Variants in TMEM108 observed in about 807,000 individuals in gnomAD.
TMEM108 encodes cancer/testis antigen 124.
Under a neutral mutation model 35.1 loss-of-function variants are expected in TMEM108, and 12 were observed. That is an observed-to-expected ratio of 0.34 (90% CI 0.22 to 0.55). The LOEUF (loss-of-function observed/expected upper bound fraction) is 0.55, where lower values mean the gene tolerates loss of function less well. Ranked by LOEUF, TMEM108 falls within the 20% of genes least tolerant of loss-of-function variation. TMEM108 has a pLI of 0.89. For missense variants in TMEM108, 680 were observed against 753.3 expected (o/e 0.90, Z 1.14); for synonymous variants, 287 against 308.6 (o/e 0.93, Z 0.73).
chr3:133,126,402 G>A (rs1399838456), intron 2 of TMEM108, among the ~76,000 whole-genome samples: 3 of 151,878 alleles, frequency 2.0e-5, no homozygotes, highest in Non-Finnish European at 4.4e-5. Context: ...GGGAGGCAGA[G>A]GTTGCAGTAA....
At chr3:133,356,114 A>G (rs2072158546) in intron 3 of TMEM108, among the ~76,000 whole-genome samples, 1 of 152,158 alleles carries the variant, frequency 6.6e-6, no homozygotes, top group South Asian at 2.1e-4. Flanking sequence ...CTGTAAACAA[A>G]TTCAGCAGAG....
rs143888883 is a variant in TMEM108, at chr3:133,109,149, G to GA, written c.-47+63132dup. On this transcript the variant is annotated intron_variant, in intron 2 of 5. Coordinates refer to ENST00000321871, the MANE Select transcript of TMEM108 (RefSeq NM_023943.4). ...ATAGTAGGTTGGAGAGTCCAGAGGT[G>GA]AAAGTGCTGGTTCTCACTGTGCTCC... Among the ~76,000 whole-genome samples, 654 of 152,204 alleles carry GA rather than the reference G, an allele frequency of 4.3e-3. 11 individuals are homozygous for GA. Among genetic ancestry groups the GA allele is most frequent in the East Asian group, 0.032 (163 of 5,168 alleles).
chr3:133,299,066 T>G (rs1465928555), intron 3 of TMEM108, among the ~76,000 whole-genome samples: 1 of 152,114 alleles, frequency 6.6e-6, no homozygotes, highest in Admixed American at 6.5e-5. Context: ...AGTTTGTTAG[T>G]GCTTGATTCA....
At position 133,149,762 on chromosome 3, in the gene TMEM108, T is replaced by C. The variant is rs76798270; in HGVS notation, c.-46-79504T>C. Among the ~76,000 whole-genome samples the C allele has an allele frequency of 1.9e-3, 284 of 152,238 alleles. 3 individuals carry two copies. The highest frequency in any genetic ancestry group is 6.4e-3 in the African/African-American group (266 of 41,552). On this transcript the variant is annotated intron_variant, in intron 2 of 5. Transcript: ENST00000321871. ...GGAATATATATATGTCTCAGGTACA[T>C]ATACATAAGGGAATACTATTTTTTA...
Position 133,334,477 on chromosome 3 carries a change from G to C in TMEM108, c.41-45275G>C, listed in dbSNP as rs183778900. ...AAAATGTCATTATGGGTGTATGAAA[G>C]TAGCCAGAGCAAGACATGGACATGG... On this transcript the variant is annotated intron_variant, in intron 3 of 5. Coordinates refer to ENST00000321871, the MANE Select transcript of TMEM108 (RefSeq NM_023943.4). 2.3e-3 allele frequency among the ~76,000 whole-genome samples: 343 copies of C among 152,278 alleles called. 2 individuals are homozygous for C. The highest frequency in any genetic ancestry group is 8.0e-3 in the African/African-American group (334 of 41,562).
chr3:133,183,481 AG>A (rs1021198238), intron 2 of TMEM108, among the ~76,000 whole-genome samples: 45 of 152,154 alleles, frequency 3.0e-4, no homozygotes, highest in Non-Finnish European at 1.8e-4. Context: ...TACAGTGTGA[AG>A]AAGTTTGGAG....
At chr3:133,255,720 G>A (rs1946536355) in intron 3 of TMEM108, among the ~76,000 whole-genome samples, 1 of 152,174 alleles carries the variant, frequency 6.6e-6, no homozygotes, top group Admixed American at 6.5e-5. Context: ...TGGGCGTGGT[G>A]GCTCACGCCT....
intron 2 of TMEM108, among the ~76,000 whole-genome samples, chr3:133,206,658 G>C (rs978900398): frequency 1.3e-5 from 2 of 152,350 alleles, no homozygotes; most frequent in South Asian, 2.1e-4. Context: ...ATTGCTGCCT[G>C]TTCCTTCCTC....
At chr3:133,313,201 A>T (rs987173951) in intron 3 of TMEM108, among the ~76,000 whole-genome samples, 6 of 144,788 alleles carry the variant, frequency 4.1e-5, no homozygotes, top group African/African-American at 1.3e-4. Flanking sequence ...CATATATATA[A>T]TTTTTTTTTT....
intron 2 of TMEM108, among the ~76,000 whole-genome samples, chr3:133,183,442 C>T (rs1167437280): frequency 6.6e-6 from 1 of 151,910 alleles, no homozygotes; most frequent in South Asian, 2.1e-4. Flanking sequence ...AGAAGATAAG[C>T]CTGGAGGGAT....
chr3:133,265,392 G>A (rs1039996949), intron 3 of TMEM108, among the ~76,000 whole-genome samples: 6 of 152,174 alleles, frequency 3.9e-5, no homozygotes, highest in African/African-American at 1.4e-4. Flanking sequence ...GGTTGAATGT[G>A]ATCACTGTAG....
In TMEM108 at chr3:133,195,221, CAATCCCTG is replaced by C. The variant is rs1945559772; in HGVS notation, c.-46-34042_-46-34035del. Among the ~76,000 whole-genome samples the C allele has an allele frequency of 5.3e-5, 8 of 152,232 alleles. No homozygotes were observed. The South Asian group carries it at 1.7e-3, about 32-fold the overall frequency. ...TGTCTAATGTAATACTTGTAATGAG[CAATCCCTG>C]AAGGTAATACCGTGTCTCATTTTTA... On this transcript the variant is annotated intron_variant, in intron 2 of 5. Transcript: ENST00000321871.
intron 3 of TMEM108, among the ~76,000 whole-genome samples, chr3:133,355,849 A>G (rs1362092062): frequency 1.3e-5 from 2 of 152,174 alleles, no homozygotes; most frequent in Non-Finnish European, 2.9e-5. Flanking sequence ...AATGGAAGAA[A>G]CCATTGTGAC....
rs185658084 is a variant in TMEM108 at position 133,298,878 on chromosome 3, A to G, written c.40+69527A>G. Among the ~76,000 whole-genome samples, 36 of 152,322 alleles carry G rather than the reference A, an allele frequency of 2.4e-4. No individual in the cohort carries two copies. The East Asian group carries it at 6.2e-3, about 26-fold the overall frequency. The stretch of plus-strand genomic sequence containing the variant: ...TAGTTTTTTATAATTATAAAAAACT[A>G]CAAAGACCATCGGCTGCCTGTGGCA... On this transcript the variant is annotated intron_variant, in intron 3 of 5. Coordinates refer to ENST00000321871, the MANE Select transcript of TMEM108 (RefSeq NM_023943.4).
At chr3:133,149,500 C>T (rs1222840777) in intron 2 of TMEM108, among the ~76,000 whole-genome samples, 3 of 152,112 alleles carry the variant, frequency 2.0e-5, no homozygotes, top group African/African-American at 7.2e-5. Flanking sequence ...TGATCCAAAT[C>T]CCCACATTTT....
intron 2 of TMEM108, among the ~76,000 whole-genome samples, chr3:133,124,579 G>T (rs76255350): frequency 0.025 from 3,847 of 152,264 alleles, 69 homozygotes; most frequent in Middle Eastern, 0.044. Context: ...GGCTGACTTG[G>T]CAGCTGCCCT....
At chr3:133,201,007 AT>A (rs1945655594) in intron 2 of TMEM108, among the ~76,000 whole-genome samples, 1 of 145,262 alleles carries the variant, frequency 6.9e-6, no homozygotes, top group African/African-American at 2.6e-5. Flanking sequence ...TTGGAGGATC[AT>A]TTGGAGGATC....
At chr3:133,392,805 CT>C (rs986009199) in intron 5 of TMEM108, among the ~76,000 whole-genome samples, 3 of 152,166 alleles carry the variant, frequency 2.0e-5, no homozygotes, top group Admixed American at 2.0e-4. Context: ...ACCTCTGCCC[CT>C]GATCCAAGCC....
At chr3:133,104,095 G>A (rs10935048) in intron 2 of TMEM108, among the ~76,000 whole-genome samples, 1,684 of 152,286 alleles carry the variant, frequency 0.011, 73 homozygotes, top group Admixed American at 0.08. Flanking sequence ...CTACTGGGTA[G>A]ATGTTTGATT....
Sources: allele counts gnomAD v4.1 joint callset (sites outside exome capture counted in the v4.1 genomes callset), GRCh38; gene constraint gnomAD v4.1.1; transcripts MANE v1.5; gene names NCBI Gene and HGNC (gene_info 2026-07-23, HGNC 2026-07-21).